The following CDCP1 variants were observed in gnomAD, a reference collection of about 807,000 sequenced individuals.
CDCP1 encodes CUB domain containing protein 1.
In CDCP1, 29 loss-of-function variants were observed where a neutral mutation model predicts 60.2. The observed-to-expected ratio is 0.48, with a 90% CI of 0.36 to 0.66. CDCP1 has a LOEUF of 0.66. Ranked by LOEUF, CDCP1 falls within the 30% of genes least tolerant of loss-of-function variation. The probability of loss-of-function intolerance (pLI) is 0.00; values close to 1 mark genes in which losing one functional copy is unlikely to be tolerated. For missense variants in CDCP1, 876 were observed against 1,074.3 expected, an observed-to-expected ratio of 0.82 and a Z score of 2.58; for synonymous variants, 387 against 431.1, an observed-to-expected ratio of 0.90 and a Z score of 1.27.
Position 45,091,148 on chromosome 3 carries a change from C to T in CDCP1, c.1993+25G>A, listed in dbSNP as rs1391636446. 2 of 1,594,086 alleles carry T rather than the reference C, an allele frequency of 1.3e-6. No homozygotes were observed. The highest frequency in any genetic ancestry group is 1.7e-6 in the Non-Finnish European group (2 of 1,168,164). ...CTGACAATTTTTTGTTCATCACTGT[C>T]CCCAAAGACCCTGAAGGCCCTTACC... On this transcript the variant is annotated intron_variant, in intron 7 of 8. Transcript: ENST00000296129. This position sits in a 1 kb window ranked among gnomAD's most constrained non-coding sequence, Gnocchi z 4.8.
chr3:45,140,649 A>G (rs1699273482), intron 1 of CDCP1, among the ~76,000 whole-genome samples: 1 of 152,184 alleles, frequency 6.6e-6, no homozygotes, highest in South Asian at 2.1e-4. Context: ...AGTTAGTAAG[A>G]GCAATTGTTT....
In CDCP1 at chr3:45,126,108, C is replaced by CTCTTTCTTTCTTTCTTTCTT. The variant is rs72581928; in HGVS notation, c.83-7507_83-7488dup. ...AACTGCTGCCATTCTTTGTCTCTCT[C>CTCTTTCTTTCTTTCTTTCTT]TCTTTCTTTCTTTCTTTCTTTCTTT... On this transcript the variant is annotated intron_variant, in intron 1 of 8. Transcript: ENST00000296129. Among the ~76,000 whole-genome samples the CTCTTTCTTTCTTTCTTTCTT allele has an allele frequency of 1.9e-3, 209 of 110,052 alleles. 1 individual carries two copies. The highest frequency in any genetic ancestry group is 2.1e-3 in the African/African-American group (56 of 26,980). The allele number at this position is 110,052 out of a possible 152,430, so 72.2% of individuals were successfully genotyped here.
At position 45,083,977 on chromosome 3, in the gene CDCP1, C is replaced by T. The variant is rs960213639; in HGVS notation, c.*1661G>A. 1 of 151,854 alleles carries T rather than the reference C, an allele frequency of 6.6e-6. No individual in the cohort carries two copies. Among genetic ancestry groups the T allele is most frequent in the African/African-American group, 2.4e-5 (1 of 41,314 alleles). 9.4% of individuals were successfully genotyped at this position (151,854 alleles called of 1,614,324 possible). A position where few individuals can be genotyped will look rare whatever the true frequency, so the allele number is the denominator to read the frequency against. On this transcript the variant is annotated 3_prime_UTR_variant, in exon 9 of 9. Coordinates refer to ENST00000296129, the MANE Select transcript of CDCP1 (RefSeq NM_022842.5). ...GGGTAATGTGAGCACACATTGGTCT[C>T]ATGGTCTACTCACCTGATTAGAGAT...
intron 4 of CDCP1, among the ~76,000 whole-genome samples, chr3:45,099,038 C>A (rs535549082): frequency 1.0e-3 from 154 of 152,064 alleles, no homozygotes; most frequent in African/African-American, 3.6e-3. Context: ...AGGTGTGATC[C>A]TGGATCTCCT....
At chr3:45,104,899 C>T (rs775487440) in intron 4 of CDCP1, among the ~76,000 whole-genome samples, 1 of 152,122 alleles carries the variant, frequency 6.6e-6, no homozygotes, top group Admixed American at 6.5e-5. Flanking sequence ...ACTGAAAATA[C>T]AAAATTAGCT....
intron 5 of CDCP1, among the ~76,000 whole-genome samples, chr3:45,094,084 CT>C (rs1201663088): frequency 6.6e-6 from 1 of 152,142 alleles, no homozygotes; most frequent in Non-Finnish European, 1.5e-5. Flanking sequence ...TCTTCTGGCT[CT>C]GCCACTTCCT....
chr3:45,126,425 A>G (rs1431501569), intron 1 of CDCP1, among the ~76,000 whole-genome samples: 1 of 152,210 alleles, frequency 6.6e-6, no homozygotes, highest in South Asian at 2.1e-4. Flanking sequence ...AGATAGTCAC[A>G]TCGCCAAACT....
At chr3:45,119,278 G>C (rs1042673100) in intron 1 of CDCP1, among the ~76,000 whole-genome samples, 2 of 152,198 alleles carry the variant, frequency 1.3e-5, no homozygotes, top group African/African-American at 4.8e-5. Flanking sequence ...TGAGGTGGGG[G>C]TTGGTTATTA....
At chr3:45,092,653 T>TCTC (rs1698315901) in intron 6 of CDCP1, among the ~76,000 whole-genome samples, 1 of 152,224 alleles carries the variant, frequency 6.6e-6, no homozygotes, top group African/African-American at 2.4e-5. Context: ...TAAAATGGCC[T>TCTC]CTAACTTAAT....
intron 2 of CDCP1, among the ~76,000 whole-genome samples, chr3:45,113,934 C>T (rs1698740922): frequency 6.6e-6 from 1 of 152,216 alleles, no homozygotes; most frequent in African/African-American, 2.4e-5. Flanking sequence ...CGCACACCTC[C>T]AGTGTGCCCA....
chr3:45,103,293 C>T (rs1698512692), intron 4 of CDCP1, among the ~76,000 whole-genome samples: 2 of 152,136 alleles, frequency 1.3e-5, no homozygotes, highest in African/African-American at 4.8e-5. Flanking sequence ...TAGGGCTCAT[C>T]CATGTTGCTG....
chr3:45,143,827 G>T (rs1307027636), intron 1 of CDCP1, among the ~76,000 whole-genome samples: 1 of 152,108 alleles, frequency 6.6e-6, no homozygotes, highest in Non-Finnish European at 1.5e-5. Context: ...AAATCTGTGG[G>T]GATGTGGGGG....
intron 1 of CDCP1, among the ~76,000 whole-genome samples, chr3:45,125,825 G>A (rs917828010): frequency 6.6e-6 from 1 of 152,210 alleles, no homozygotes; most frequent in Non-Finnish European, 1.5e-5. Context: ...CACCTTATCT[G>A]CCTCACCTAG....
At position 45,118,603 on chromosome 3, in the gene CDCP1, A is replaced by G. The variant is rs1290344770; in HGVS notation, c.101T>C (p.Leu34Pro). Residue 34 changes from leucine to proline, a missense_variant, in exon 2 of 9, where the codon CTG becomes CCG. Leu to Pro is a moderately conservative substitution (Grantham distance 98). This residue lies in a region of CDCP1 where 150 missense variants were observed against 138.6 expected (regional missense o/e 1.08). Transcript: ENST00000296129. Reference sequence around the variant, plus strand: ...AACTGTAATGTTGCTTTCTCGTGGCAGAGCAATCTCAAAAGCTTCTGAAGG... The same window carrying G: ...AACTGTAATGTTGCTTTCTCGTGGCGGAGCAATCTCAAAAGCTTCTGAAGG... ...PRGAEAFEIA[L>P]PRESNITVLI... is the part of the protein sequence containing the mutation. 1.5e-5 allele frequency: 24 copies of G among 1,613,830 alleles called. No homozygotes were observed. Among genetic ancestry groups the G allele is most frequent in the Non-Finnish European group, 1.9e-5 (22 of 1,180,026 alleles).
chr3:45,146,412 G>A (rs141404465), upstream of CDCP1: 244 of 731,206 alleles, frequency 3.3e-4, 1 homozygote, highest in African/African-American at 3.5e-3. Context: ...GGACCGGCCC[G>A]AGCCCCGCCC....
chr3:45,116,812 C>T (rs1310429404), intron 2 of CDCP1, among the ~76,000 whole-genome samples: 4 of 152,160 alleles, frequency 2.6e-5, no homozygotes, highest in Non-Finnish European at 5.9e-5. Flanking sequence ...AGTTTTCCTA[C>T]CTTTCCATGA....
chr3:45,091,367 T>C lies in CDCP1; in HGVS notation c.1799A>G (p.Gln600Arg), dbSNP rs752672562. The C allele has an allele frequency of 5.0e-6, 8 of 1,614,186 alleles. No homozygotes were observed. Among genetic ancestry groups the C allele is most frequent in the Non-Finnish European group, 5.9e-6 (7 of 1,180,028 alleles). ...FFKERSGVVC[Q>R]TGRAFMIIQE... ...GATGATCATGAATGCGCGCCCTGTC[T>C]GGCAGACCACGCCGCTCCGCTCCTT... The change falls in exon 7 of 9, where the codon CAG (glutamine) becomes CGG (arginine). Residue 600 changes from glutamine (Q) to arginine (R), a missense_variant. This residue lies in a region of CDCP1 where 726 missense variants were observed against 935.7 expected (regional missense o/e 0.78). Coordinates refer to ENST00000296129, the MANE Select transcript of CDCP1 (RefSeq NM_022842.5). This position sits in a 1 kb window ranked among gnomAD's most constrained non-coding sequence, Gnocchi z 4.8.
intron 2 of CDCP1, among the ~76,000 whole-genome samples, chr3:45,117,809 C>T (rs1358655702): frequency 6.6e-6 from 1 of 152,104 alleles, no homozygotes; most frequent in Non-Finnish European, 1.5e-5. Context: ...GTTGGCCAGG[C>T]TGGTCTTGAT....
chr3:45,085,460 C>T lies in CDCP1; in HGVS notation c.*178G>A. ...TATCCAGATTGGAATTCATCATTTT[C>T]AATGTCTTGCCCTTAGAATGAGTCC... On this transcript the variant is annotated 3_prime_UTR_variant, in exon 9 of 9. Transcript: ENST00000296129. This position sits in a 1 kb window ranked among gnomAD's most constrained non-coding sequence, Gnocchi z 4.2. 1 of 642,052 alleles carries T rather than the reference C, an allele frequency of 1.6e-6. No homozygotes were observed. Among genetic ancestry groups the T allele is most frequent in the Non-Finnish European group, 2.7e-6 (1 of 368,892 alleles). 39.8% of individuals were successfully genotyped at this position (642,052 alleles called of 1,614,324 possible). A position where few individuals can be genotyped will look rare whatever the true frequency, so the allele number is the denominator to read the frequency against.
Sources: gnomAD v4.1 joint callset for allele counts (sites outside exome capture counted in the v4.1 genomes callset) on GRCh38, gnomAD v4.1.1 for gene constraint, gnomAD v4.1.1 regional missense constraint, Gnocchi (gnomAD v3.1) non-coding constraint, MANE v1.5 for transcripts, NCBI Gene and HGNC (gene_info 2026-07-23, HGNC 2026-07-21) for gene names.